The following ADGRF5 variants were observed in gnomAD, a reference collection of about 807,000 sequenced individuals.
The protein encoded by ADGRF5 is adhesion G protein-coupled receptor F5, also known as G-protein coupled receptor 116.
A neutral mutation model predicts 132.3 loss-of-function variants in ADGRF5; 75 were observed. The ratio of observed to expected loss-of-function variants is 0.57; its 90% CI spans 0.47 to 0.69. The LOEUF is 0.69. Ranked by LOEUF, ADGRF5 falls within the 30% of genes least tolerant of loss-of-function variation. The pLI is 0.00. For synonymous variants in ADGRF5, 629 were observed against 597.6 expected, an observed-to-expected ratio of 1.05 and a Z score of -0.77; for missense variants, 1,516 against 1,630.6, an observed-to-expected ratio of 0.93 and a Z score of 1.21.
intron 1 of ADGRF5, among the ~76,000 whole-genome samples, chr6:46,936,600 A>C (rs1286791187): frequency 6.6e-6 from 1 of 152,178 alleles, no homozygotes; most frequent in Non-Finnish European, 1.5e-5. Flanking sequence ...TCTACACACC[A>C]GACACTGTTC....
chr6:46,924,725 G>A (rs1441638033), upstream of ADGRF5, among the ~76,000 whole-genome samples: 3 of 152,124 alleles, frequency 2.0e-5, no homozygotes, highest in Non-Finnish European at 4.4e-5. Context: ...TCCCAAACTA[G>A]CTATACCATC....
chr6:46,862,133 A>G (rs891003029), intron 15 of ADGRF5, among the ~76,000 whole-genome samples: 3 of 152,226 alleles, frequency 2.0e-5, no homozygotes, highest in African/African-American at 4.8e-5. Context: ...AGTTAATTAG[A>G]TGAAACACAT....
At chr6:46,916,231 G>A (rs796913803) in intron 1 of ADGRF5, among the ~76,000 whole-genome samples, 3 of 152,268 alleles carry the variant, frequency 2.0e-5, no homozygotes, top group African/African-American at 7.2e-5. Flanking sequence ...TCCTCTGCAT[G>A]CCTATTTCCT....
chr6:46,917,931 T>C (rs1164226388), intron 1 of ADGRF5, among the ~76,000 whole-genome samples: 1 of 152,252 alleles, frequency 6.6e-6, no homozygotes, highest in Non-Finnish European at 1.5e-5. Flanking sequence ...AAATTGTTTG[T>C]TATTAAAATT....
chr6:46,906,192 C>A (rs1451111485), intron 2 of ADGRF5, among the ~76,000 whole-genome samples: 1 of 152,234 alleles, frequency 6.6e-6, no homozygotes, highest in Non-Finnish European at 1.5e-5. Flanking sequence ...TCAGCTATAT[C>A]AGTCTGTGAC....
rs35014340 is a variant in ADGRF5 at position 46,893,058 on chromosome 6, A to ATTTTTTT, written c.158-4560_158-4554dup. 7.7e-4 allele frequency among the ~76,000 whole-genome samples: 67 copies of ATTTTTTT among 86,730 alleles called. 1 individual carries two copies. The highest frequency in any genetic ancestry group is 9.7e-4 in the Admixed American group (6 of 6,162). The allele number at this position is 86,730 out of a possible 152,430, so 56.9% of individuals were successfully genotyped here. On this transcript the variant is annotated intron_variant, in intron 3 of 20. Transcript: ENST00000283296. ...GGCAAGAGTGATGGGGACAACAGGGATTTTTTTTTTTTTTTTTTTTTTTTT... is the reference window on the plus strand; with the variant it reads ...GGCAAGAGTGATGGGGACAACAGGGATTTTTTTTTTTTTTTTTTTTTTTTTTTTTTTT...
intron 3 of ADGRF5, among the ~76,000 whole-genome samples, chr6:46,896,913 G>A (rs1774239786): frequency 1.3e-5 from 2 of 151,870 alleles, no homozygotes; most frequent in African/African-American, 4.8e-5. Context: ...ATTGTACTAG[G>A]TATTATAAAT....
intron 12 of ADGRF5, among the ~76,000 whole-genome samples, chr6:46,867,425 C>T (rs1366690722): frequency 1.3e-5 from 2 of 152,194 alleles, no homozygotes; most frequent in Non-Finnish European, 2.9e-5. Context: ...GGATTTCAAA[C>T]CAGGTTTTCA....
chr6:46,935,250 G>A (rs997787805), intron 1 of ADGRF5, among the ~76,000 whole-genome samples: 3 of 151,950 alleles, frequency 2.0e-5, no homozygotes, highest in Non-Finnish European at 2.9e-5. Context: ...TGATCCACCC[G>A]CCTCGGCCTC....
At chr6:46,923,540 G>A (rs773669077), upstream of ADGRF5, among the ~76,000 whole-genome samples, 1 of 152,228 alleles carries the variant, frequency 6.6e-6, no homozygotes. Context: ...CTACACGTTA[G>A]ATTGGATACA....
At chr6:46,876,494 T>C (rs997036573) in intron 10 of ADGRF5, among the ~76,000 whole-genome samples, 1 of 152,226 alleles carries the variant, frequency 6.6e-6, no homozygotes, top group African/African-American at 2.4e-5. Context: ...TTTCAGCTGT[T>C]ACCACATGCC....
intron 1 of ADGRF5, among the ~76,000 whole-genome samples, chr6:46,919,835 GT>G (rs1776761144): frequency 6.6e-6 from 1 of 152,188 alleles, no homozygotes; most frequent in Non-Finnish European, 1.5e-5. Context: ...TATTGAAAGT[GT>G]TCGTATTATT....
rs1283876988 is a variant in ADGRF5 at position 46,858,887 on chromosome 6, A to C, written c.3016T>G (p.Ser1006Ala). Residue 1006 changes from serine to alanine, a missense_variant, in exon 17 of 21, where the codon TCT (serine) becomes GCT (alanine). Transcript: ENST00000283296. ...ATATCCAGGAGTATTCCCAGGAGAG[A>C]ACTAGGATCTGGGGAGTCAGGGGAC... ...LMSPDSPDPS[S>A]LLGILLDIIS... 6.2e-7 allele frequency: 1 copy of C among 1,614,092 alleles called. No individual in the cohort carries two copies. Among genetic ancestry groups the C allele is most frequent in the Non-Finnish European group, 8.5e-7 (1 of 1,179,974 alleles).
chr6:46,868,040 CAAT>C (rs1256375176), intron 12 of ADGRF5, among the ~76,000 whole-genome samples: 1 of 152,140 alleles, frequency 6.6e-6, no homozygotes, highest in Admixed American at 6.5e-5. Context: ...CCAGCCCAAA[CAAT>C]AACTAGTTGT....
At chr6:46,915,520 C>T (rs1350820221) in intron 1 of ADGRF5, among the ~76,000 whole-genome samples, 1 of 152,054 alleles carries the variant, frequency 6.6e-6, no homozygotes, top group Non-Finnish European at 1.5e-5. Flanking sequence ...TTAAAATATT[C>T]CAACATTACA....
intron 2 of ADGRF5, among the ~76,000 whole-genome samples, chr6:46,903,086 C>A (rs956754484): frequency 3.9e-5 from 6 of 152,106 alleles, no homozygotes; most frequent in East Asian, 1.9e-4. Flanking sequence ...GTGTATCCTG[C>A]CGGCATGGGG....
chr6:46,936,247 G>T (rs1777821563), intron 1 of ADGRF5, among the ~76,000 whole-genome samples: 1 of 152,174 alleles, frequency 6.6e-6, no homozygotes, highest in Admixed American at 6.5e-5. Context: ...TCCTCCCTGG[G>T]ATGGGGGCTG....
intron 3 of ADGRF5, among the ~76,000 whole-genome samples, chr6:46,897,331 A>C (rs1774289379): frequency 6.6e-6 from 1 of 152,158 alleles, no homozygotes; most frequent in African/African-American, 2.4e-5. Context: ...TCAAAAAAAA[A>C]AGAAAAAAAC....
chr6:46,880,131 G>C (rs1772289151), intron 8 of ADGRF5, 92 bp from the exon 9 acceptor site: 5 of 831,876 alleles, frequency 6.0e-6, no homozygotes, highest in Non-Finnish European at 9.9e-6. Context: ...GGCTCTTGGA[G>C]ATCTTGACAG....
Sources: gnomAD v4.1 joint callset for allele counts (sites outside exome capture counted in the v4.1 genomes callset) on GRCh38, gnomAD v4.1.1 for gene constraint, MANE v1.5 for transcripts, NCBI Gene and HGNC (gene_info 2026-07-23, HGNC 2026-07-21) for gene names.